The following CNTN4 variants were observed in gnomAD, a reference collection of about 807,000 sequenced individuals.
The protein encoded by CNTN4 is contactin-4.
CNTN4 carries 77 observed loss-of-function variants against 122.5 expected under a neutral mutation model. That is an observed-to-expected ratio of 0.63 (90% CI 0.52 to 0.76). The LOEUF (loss-of-function observed/expected upper bound fraction) is 0.76. Among genes scored for constraint, CNTN4 ranks in the 30% least tolerant of loss-of-function variants. CNTN4 has a pLI of 0.00. For synonymous variants in CNTN4, 512 were observed against 447.0 expected, an observed-to-expected ratio of 1.15 and a Z score of -1.83; for missense variants, 1,256 against 1,259.1, an observed-to-expected ratio of 1.00 and a Z score of 0.04.
chr3:2,627,693 CCG>C (rs2082258536), intron 4 of CNTN4, among the ~76,000 whole-genome samples: 1 of 151,904 alleles, frequency 6.6e-6, no homozygotes, highest in South Asian at 2.1e-4. Flanking sequence ...CGGGGTTTCA[CCG>C]TGTTAGCCAG....
chr3:2,571,338 T>C (rs943300062), intron 3 of CNTN4, 78 bp from the exon 4 acceptor site: 4 of 656,590 alleles, frequency 6.1e-6, no homozygotes, highest in African/African-American at 5.5e-5. Context: ...TTATTGATAT[T>C]TGAGTAAAGA....
chr3:2,783,910 T>A (rs1430397545), intron 6 of CNTN4, among the ~76,000 whole-genome samples: 2 of 152,234 alleles, frequency 1.3e-5, no homozygotes, highest in East Asian at 3.8e-4. Flanking sequence ...TCGTTTTCAA[T>A]TTACAATATT....
intron 12 of CNTN4, among the ~76,000 whole-genome samples, chr3:2,904,006 G>A (rs1181316466): frequency 6.6e-6 from 1 of 151,968 alleles, no homozygotes; most frequent in African/African-American, 2.4e-5. Flanking sequence ...TGAGTGAAAA[G>A]ATAAATCTAT....
chr3:2,179,101 G>C (rs1007599589), intron 2 of CNTN4, among the ~76,000 whole-genome samples: 1 of 152,042 alleles, frequency 6.6e-6, no homozygotes, highest in African/African-American at 2.4e-5. Flanking sequence ...TAAATGTCCT[G>C]TTATCAATTA....
chr3:2,943,143 G>T (rs1361970018), intron 13 of CNTN4, among the ~76,000 whole-genome samples: 1 of 152,118 alleles, frequency 6.6e-6, no homozygotes, highest in African/African-American at 2.4e-5. Flanking sequence ...GTGGAACAAA[G>T]ATGCAAGTTC....
chr3:2,566,084 A>G (rs1249072694), intron 3 of CNTN4, among the ~76,000 whole-genome samples: 1 of 152,150 alleles, frequency 6.6e-6, no homozygotes, highest in Non-Finnish European at 1.5e-5. Flanking sequence ...GCTATCCTTT[A>G]CATTATGAGT....
chr3:2,214,939 A>T (rs2038774375), intron 2 of CNTN4, among the ~76,000 whole-genome samples: 1 of 152,264 alleles, frequency 6.6e-6, no homozygotes, highest in Non-Finnish European at 1.5e-5. Flanking sequence ...AAACTAAATT[A>T]TAAATATTCA....
At chr3:2,970,134 C>T (rs988233970) in intron 13 of CNTN4, among the ~76,000 whole-genome samples, 2 of 151,678 alleles carry the variant, frequency 1.3e-5, no homozygotes, top group African/African-American at 4.8e-5. Flanking sequence ...CTCTGTCGCC[C>T]AGGCTGGAGT....
chr3:3,013,899 T>C (rs1272495391), intron 14 of CNTN4, among the ~76,000 whole-genome samples: 1 of 152,166 alleles, frequency 6.6e-6, no homozygotes, highest in Non-Finnish European at 1.5e-5. Context: ...ACAAATAATG[T>C]GTACCTATTT....
At chr3:2,623,197 T>C (rs1338891681) in intron 4 of CNTN4, among the ~76,000 whole-genome samples, 1 of 152,124 alleles carries the variant, frequency 6.6e-6, no homozygotes, top group Non-Finnish European at 1.5e-5. Flanking sequence ...AAATAGTAAA[T>C]ATTAGCTTCT....
intron 2 of CNTN4, among the ~76,000 whole-genome samples, chr3:2,187,119 G>C (rs2037308308): frequency 6.6e-6 from 1 of 152,100 alleles, no homozygotes; most frequent in African/African-American, 2.4e-5. Flanking sequence ...GTGTAAGGAA[G>C]GGATCCACTT....
At chr3:2,770,094 A>C (rs1409758770) in intron 6 of CNTN4, among the ~76,000 whole-genome samples, 1 of 149,980 alleles carries the variant, frequency 6.7e-6, no homozygotes, top group Non-Finnish European at 1.5e-5. Flanking sequence ...CAATGGCGTG[A>C]TCTCAGCTCA....
intron 4 of CNTN4, among the ~76,000 whole-genome samples, chr3:2,679,562 T>C (rs2085055568): frequency 6.6e-6 from 1 of 152,100 alleles, no homozygotes; most frequent in Non-Finnish European, 1.5e-5. Flanking sequence ...TCTTTAAGAG[T>C]CCTTGGATAC....
At chr3:2,827,477 A>G (rs1249679164) in intron 7 of CNTN4, among the ~76,000 whole-genome samples, 3 of 152,216 alleles carry the variant, frequency 2.0e-5, no homozygotes, top group Non-Finnish European at 4.4e-5. Flanking sequence ...AAATCAGAGA[A>G]TTTCTCATCT....
At chr3:2,850,355 CACTT>C (rs1318166007) in intron 7 of CNTN4, among the ~76,000 whole-genome samples, 3 of 152,200 alleles carry the variant, frequency 2.0e-5, no homozygotes, top group Admixed American at 6.5e-5. Flanking sequence ...CAGATCTTTC[CACTT>C]ACTTCCAGTT....
At chr3:2,498,971 G>A (rs2076524604) in intron 3 of CNTN4, among the ~76,000 whole-genome samples, 1 of 151,972 alleles carries the variant, frequency 6.6e-6, no homozygotes, top group South Asian at 2.1e-4. Context: ...TGTATTTTTA[G>A]TAGAGATAGG....
chr3:2,932,267 A>G (rs1426586915), intron 13 of CNTN4, among the ~76,000 whole-genome samples: 1 of 152,018 alleles, frequency 6.6e-6, no homozygotes, highest in South Asian at 2.1e-4. Context: ...AGTCCCAGCT[A>G]CTCGGGAGGC....
chr3:2,507,959 CA>C (rs1351084613), intron 3 of CNTN4, among the ~76,000 whole-genome samples: 1 of 151,960 alleles, frequency 6.6e-6, no homozygotes, highest in Non-Finnish European at 1.5e-5. Flanking sequence ...AGATGAATAT[CA>C]AGGCATATTG....
In CNTN4 at chr3:2,707,069, G is replaced by A. The variant is rs916474067; in HGVS notation, c.56-29146G>A. 2.0e-5 allele frequency among the ~76,000 whole-genome samples: 3 copies of A among 152,030 alleles called. No individual in the cohort carries two copies. The East Asian group carries it at 5.8e-4, about 29-fold the overall frequency. ...AGTCCCAGCACTTTAGGAGGCCGAGGCAGGTGGATCGCTTGAGACCAGGAG... is the reference window on the plus strand; with the variant it reads ...AGTCCCAGCACTTTAGGAGGCCGAGACAGGTGGATCGCTTGAGACCAGGAG... On this transcript the variant is annotated intron_variant, in intron 4 of 24. Coordinates refer to ENST00000418658, the MANE Select transcript of CNTN4 (RefSeq NM_175607.3).
Sources: allele counts gnomAD v4.1 joint callset (sites outside exome capture counted in the v4.1 genomes callset), GRCh38; gene constraint gnomAD v4.1.1; transcripts MANE v1.5; gene names NCBI Gene and HGNC (gene_info 2026-07-23, HGNC 2026-07-21).